EPM2A: variants seen among roughly 807,000 people sequenced by gnomAD.
The protein encoded by EPM2A is laforin.
Under a neutral mutation model 26.5 loss-of-function variants are expected in EPM2A, and 21 were observed. The observed-to-expected ratio is 0.79, with a 90% CI of 0.56 to 1.14. EPM2A has a LOEUF of 1.14. Among genes scored for constraint, EPM2A ranks in the 50% most tolerant of loss-of-function variants. The probability of loss-of-function intolerance (pLI) is 0.00; values close to 1 mark genes in which losing one functional copy is unlikely to be tolerated. For missense variants in EPM2A, 458 were observed against 440.8 expected (o/e 1.04, Z -0.35); for synonymous variants, 217 against 177.6 (o/e 1.22, Z -1.76).
intron 2 of EPM2A, among the ~76,000 whole-genome samples, chr6:145,606,851 C>G (rs1218845478): frequency 6.6e-6 from 1 of 152,138 alleles, no homozygotes; most frequent in Non-Finnish European, 1.5e-5. Context: ...GCCACTTAGA[C>G]CTCATAAGTA....
intron 2 of EPM2A, among the ~76,000 whole-genome samples, chr6:145,619,724 T>C (rs1304756248): frequency 6.6e-6 from 1 of 151,956 alleles, no homozygotes; most frequent in Non-Finnish European, 1.5e-5. Context: ...AAAAAAAAAT[T>C]TAAGAACACA....
intron 4 of EPM2A, among the ~76,000 whole-genome samples, chr6:145,386,584 T>G (rs1778265031): frequency 6.6e-6 from 1 of 152,164 alleles, no homozygotes; most frequent in African/African-American, 2.4e-5. Context: ...TTTTTTAAAG[T>G]TCTTCACACT....
At chr6:145,661,318 G>C (rs952318079) in intron 2 of EPM2A, among the ~76,000 whole-genome samples, 7 of 152,164 alleles carry the variant, frequency 4.6e-5, no homozygotes, top group African/African-American at 1.7e-4. Flanking sequence ...AGAATCTTGA[G>C]TGTATATTTT....
At chr6:145,445,587 T>C (rs545804775) in intron 4 of EPM2A, among the ~76,000 whole-genome samples, 2 of 152,328 alleles carry the variant, frequency 1.3e-5, no homozygotes, top group South Asian at 2.1e-4. Context: ...AAGCCATTTT[T>C]CTTGAATAAG....
intron 4 of EPM2A, among the ~76,000 whole-genome samples, chr6:145,457,663 CCA>C (rs1487159090): frequency 6.6e-6 from 1 of 151,936 alleles, no homozygotes; most frequent in Non-Finnish European, 1.5e-5. Context: ...CAATCAGAAC[CCA>C]GAGGCCAGAG....
intron 2 of EPM2A, among the ~76,000 whole-genome samples, chr6:145,512,351 C>A (rs1451813358): frequency 6.6e-6 from 1 of 152,070 alleles, no homozygotes; most frequent in Non-Finnish European, 1.5e-5. Context: ...TCAAATTATA[C>A]TACAAGGCTA....
intron 4 of EPM2A, chr6:145,489,787 T>C (rs1779730625): frequency 5.5e-6 from 8 of 1,443,650 alleles, no homozygotes; most frequent in Non-Finnish European, 7.8e-6. Flanking sequence ...TCTCGGTTCA[T>C]AGATTTCTGG....
chr6:145,590,241 A>G (rs1431996770), intron 2 of EPM2A, among the ~76,000 whole-genome samples: 1 of 152,120 alleles, frequency 6.6e-6, no homozygotes, highest in Non-Finnish European at 1.5e-5. Context: ...ACAGGTTCTC[A>G]TGGTCAAGAG....
intron 2 of EPM2A, among the ~76,000 whole-genome samples, chr6:145,536,988 T>C (rs1780440551): frequency 6.6e-6 from 1 of 152,142 alleles, no homozygotes; most frequent in South Asian, 2.1e-4. Flanking sequence ...AAGTGGGGCA[T>C]CCTATGTGAT....
intron 4 of EPM2A, among the ~76,000 whole-genome samples, chr6:145,487,248 G>A (rs1308960137): frequency 6.6e-6 from 1 of 152,092 alleles, no homozygotes; most frequent in South Asian, 2.1e-4. Flanking sequence ...ACCTTGATGG[G>A]CATTTAGGTT....
chr6:145,705,851 T>C (rs1782194054), intron 1 of EPM2A: 1 of 456,386 alleles, frequency 2.2e-6, no homozygotes, highest in African/African-American at 2.0e-5. Flanking sequence ...GGAGAGGACA[T>C]GGATACTGGT....
chr6:145,434,933 A>G (rs147495112), intron 4 of EPM2A, among the ~76,000 whole-genome samples: 6 of 152,154 alleles, frequency 3.9e-5, no homozygotes, highest in Non-Finnish European at 7.4e-5. Flanking sequence ...CCTCAAGATA[A>G]TAAGTTCTTA....
chr6:145,536,284 T>G (rs12191428), intron 2 of EPM2A, among the ~76,000 whole-genome samples: 1 of 149,054 alleles, frequency 6.7e-6, no homozygotes, highest in African/African-American at 2.5e-5. Context: ...TTTGTTTTGG[T>G]TTTTGGTTTT....
At chr6:145,474,210 C>T (rs911363166) in intron 4 of EPM2A, among the ~76,000 whole-genome samples, 4 of 152,142 alleles carry the variant, frequency 2.6e-5, no homozygotes, top group Non-Finnish European at 4.4e-5. Flanking sequence ...GCCTGTAATC[C>T]CAGCACTTTG....
intron 2 of EPM2A, among the ~76,000 whole-genome samples, chr6:145,530,809 T>A (rs4895676): frequency 0.019 from 2,912 of 151,918 alleles, 38 homozygotes; most frequent in Admixed American, 0.043. Flanking sequence ...GACAAGGGAG[T>A]AATTAATTCT....
intron 2 of EPM2A, among the ~76,000 whole-genome samples, chr6:145,613,818 T>G (rs1249904087): frequency 1.3e-5 from 2 of 152,208 alleles, no homozygotes; most frequent in South Asian, 4.1e-4. Flanking sequence ...GTTGTTTTAT[T>G]TATAGAGCAC....
intron 1 of EPM2A, among the ~76,000 whole-genome samples, chr6:145,729,121 A>G (rs1776356003): frequency 6.6e-6 from 1 of 152,188 alleles, no homozygotes; most frequent in Non-Finnish European, 1.5e-5. Flanking sequence ...GGGAGCCTCC[A>G]CCTAGATTTC....
intron 2 of EPM2A, among the ~76,000 whole-genome samples, chr6:145,557,810 A>G (rs899125721): frequency 2.6e-5 from 4 of 152,094 alleles, no homozygotes; most frequent in Admixed American, 6.6e-5. Context: ...TATAATCATC[A>G]TGTTGTACAA....
chr6:145,647,971 T>G (rs1777608802), intron 2 of EPM2A, among the ~76,000 whole-genome samples: 1 of 152,240 alleles, frequency 6.6e-6, no homozygotes, highest in African/African-American at 2.4e-5. Context: ...TAAAACTATG[T>G]AACTCAACAT....
Sources: allele counts gnomAD v4.1 joint callset (sites outside exome capture counted in the v4.1 genomes callset), GRCh38; gene constraint gnomAD v4.1.1; transcripts MANE v1.5; gene names NCBI Gene and HGNC (gene_info 2026-07-23, HGNC 2026-07-21).